COPB2: variants seen among roughly 807,000 people sequenced by gnomAD.
The protein encoded by COPB2 is coatomer subunit beta'.
A neutral mutation model predicts 120.8 loss-of-function variants in COPB2; 16 were observed. That is an observed-to-expected ratio of 0.13 (90% CI 0.09 to 0.20). The LOEUF is 0.20. COPB2 is among the 10% of genes least tolerant of loss of function. The probability of loss-of-function intolerance (pLI) is 1.00; values close to 1 mark genes in which losing one functional copy is unlikely to be tolerated. For missense variants in COPB2, 794 were observed against 1,076.5 expected (o/e 0.74, Z 3.67); for synonymous variants, 332 against 366.3 (o/e 0.91, Z 1.07).
chr3:139,378,746 C>T (rs1427374156), intron 4 of COPB2, among the ~76,000 whole-genome samples: 1 of 152,162 alleles, frequency 6.6e-6, no homozygotes, highest in Admixed American at 6.5e-5. Context: ...GGCAATCTGC[C>T]AAAAACTCAC....
intron 15 of COPB2, 105 bp downstream of exon 15, chr3:139,366,463 A>G (rs1312008291): frequency 2.0e-6 from 2 of 1,013,344 alleles, no homozygotes; most frequent in East Asian, 2.6e-5. Flanking sequence ...CTATTGCCAC[A>G]GGAAATCAGT....
chr3:139,375,645 T>C (rs1323622135), intron 5 of COPB2, 31 bp from the exon 6 acceptor site: 1 of 1,604,892 alleles, frequency 6.2e-7, no homozygotes, highest in Admixed American at 1.7e-5. Flanking sequence ...GGCCAGTCAA[T>C]ATGGGGCCTT....
chr3:139,358,418 C>T (rs1304271862), intron 20 of COPB2, 147 bp from the exon 21 acceptor site: 2 of 708,030 alleles, frequency 2.8e-6, no homozygotes, highest in Non-Finnish European at 2.4e-6. Context: ...GTGGCTCACG[C>T]CTGTAATCCC....
At chr3:139,380,009 T>G (rs79924141) in intron 2 of COPB2, 1 of 59,888 alleles carries the variant, frequency 1.7e-5, no homozygotes, top group Non-Finnish European at 6.5e-5. Flanking sequence ...TTTTCTTTTT[T>G]TTTTTTTTTT....
chr3:139,380,767 A>G (rs184623961), intron 2 of COPB2: 12 of 152,318 alleles, frequency 7.9e-5, no homozygotes, highest in Non-Finnish European at 1.8e-4. Context: ...ATGAGTAGGC[A>G]CTTCAACTCT....
chr3:139,389,584 T>C lies in COPB2; in HGVS notation c.-34A>G. On this transcript the variant is annotated 5_prime_UTR_variant, in exon 1 of 22. Coordinates refer to ENST00000333188, the MANE Select transcript of COPB2 (RefSeq NM_004766.3). ...CGGTCCAATCCCGGGAACCCTCGTT[T>C]GTTACCGGCTACTCAGGCCTTGAGA... 4 of 1,568,106 alleles carry C rather than the reference T, an allele frequency of 2.6e-6. No individual in the cohort carries two copies. Among genetic ancestry groups the C allele is most frequent in the Non-Finnish European group, 1.7e-6 (2 of 1,148,004 alleles).
Position 139,378,977 on chromosome 3 carries a change from T to C in COPB2, c.355+70A>G. 6.2e-6 allele frequency: 9 copies of C among 1,459,098 alleles called. No homozygotes were observed. The Middle Eastern group carries it at 5.5e-4, about 89-fold the overall frequency. The allele number at this position is 1,459,098 out of a possible 1,614,324, so 90.4% of individuals were successfully genotyped here. ...TATATTTGTAACAGCAGTTAAAGCA[T>C]AGCATGTCTCAGTGAATGAAAATGA... On this transcript the variant is annotated intron_variant, in intron 4 of 21. Coordinates refer to ENST00000333188, the MANE Select transcript of COPB2 (RefSeq NM_004766.3).
intron 10 of COPB2, 78 bp downstream of exon 10, chr3:139,371,645 C>G: frequency 8.2e-7 from 1 of 1,220,068 alleles, no homozygotes; most frequent in Non-Finnish European, 1.2e-6. Flanking sequence ...CAGCCCACAT[C>G]AAGCCTTGAG....
At chr3:139,359,241 C>T in intron 18 of COPB2, 29 bp downstream of exon 18, 1 of 1,612,714 alleles carries the variant, frequency 6.2e-7, no homozygotes, top group Non-Finnish European at 8.5e-7. Flanking sequence ...TTATTGGAAA[C>T]ATTTCTTCCT....
At chr3:139,378,264 G>A in intron 4 of COPB2, 75 bp from the exon 5 acceptor site, 1 of 1,357,250 alleles carries the variant, frequency 7.4e-7, no homozygotes, top group Admixed American at 2.0e-5. Context: ...GTCTTTAGAA[G>A]AAGCAAACCT....
intron 4 of COPB2, 90 bp from the exon 5 acceptor site, chr3:139,378,279 C>A: frequency 8.2e-7 from 1 of 1,224,410 alleles, no homozygotes. Context: ...AAACCTAACA[C>A]AAACCATATA....
At chr3:139,358,416 C>T (rs964447485) in intron 20 of COPB2, 145 bp from the exon 21 acceptor site, 6 of 713,318 alleles carry the variant, frequency 8.4e-6, no homozygotes, top group African/African-American at 3.5e-5. Context: ...CAGTGGCTCA[C>T]GCCTGTAATC....
chr3:139,366,602 T>C lies in COPB2; in HGVS notation c.1850A>G (p.Gln617Arg). ...DKVLPTIPKE[Q>R]RTRVAHFLEK... ...CAAAAAGTGTGCAACTCTGGTCCTCTGTTCTTTTGGAATGGTAGGAAGGAC... is the reference window on the plus strand; with the variant it reads ...CAAAAAGTGTGCAACTCTGGTCCTCCGTTCTTTTGGAATGGTAGGAAGGAC... The change falls in exon 15 of 22, where the codon CAG becomes CGG. Residue 617 changes from glutamine to arginine, a missense_variant. By Grantham distance (43) the Gln-to-Arg change is conservative. Coordinates refer to ENST00000333188, the MANE Select transcript of COPB2 (RefSeq NM_004766.3). 6.2e-7 allele frequency: 1 copy of C among 1,614,016 alleles called. No homozygotes were observed. The highest frequency in any genetic ancestry group is 2.2e-5 in the East Asian group (1 of 44,882).
intron 10 of COPB2, 49 bp from the exon 11 acceptor site, chr3:139,369,593 T>C (rs1439546521): frequency 2.7e-6 from 3 of 1,095,400 alleles, no homozygotes; most frequent in African/African-American, 1.6e-5. Flanking sequence ...TACTAAATCA[T>C]AGTTCTACCA....
Position 139,369,542 on chromosome 3 carries a change from T to C in COPB2, c.1208A>G (p.Tyr403Cys), listed in dbSNP as rs1200859815. ...EFAWAHDSSE[Y>C]AIRESNSIVK... ...AATGCTGTTGCTCTCTCTTATTGCA[T>C]ACCTGGGAGAAAAAAGGGAAGGCAA... The change falls in exon 11 of 22, where the codon TAT (tyrosine) becomes TGT (cysteine). Residue 403 changes from tyrosine to cysteine, a missense_variant and splice_region_variant. Tyr to Cys is a radical substitution (Grantham distance 194, BLOSUM62 -2). Transcript: ENST00000333188. 1.9e-6 allele frequency: 3 copies of C among 1,589,062 alleles called. No individual in the cohort carries two copies. Among genetic ancestry groups the C allele is most frequent in the Admixed American group, 3.5e-5 (2 of 56,442 alleles).
intron 1 of COPB2, among the ~76,000 whole-genome samples, chr3:139,387,443 A>C (rs1941945546): frequency 6.6e-6 from 1 of 152,146 alleles, no homozygotes; most frequent in South Asian, 2.1e-4. Context: ...CACCTTCCAA[A>C]AGCTGGATGC....
rs1397415239 is a variant in COPB2 at position 139,374,510 on chromosome 3, T to A, written c.730A>T (p.Ile244Phe). The A allele has an allele frequency of 1.9e-6, 3 of 1,614,004 alleles. No individual in the cohort carries two copies. The highest frequency in any genetic ancestry group is 2.5e-6 in the Non-Finnish European group (3 of 1,179,884). The change falls in exon 7 of 22, where the codon ATT becomes TTT. Residue 244 changes from isoleucine (I) to phenylalanine (F), a missense_variant. By Grantham distance (21) the Ile-to-Phe change is conservative. Around this residue, in one of 3 missense-constraint regions of COPB2, gnomAD observed 610 missense variants for 866.7 expected, o/e 0.70. Transcript: ENST00000333188. Reference sequence around the variant, plus strand: ...TTACCATCTTCTGAACCTGTGATAATGATTGGCAACTCAGGATGAAAGCTG... The same window carrying A: ...TTACCATCTTCTGAACCTGTGATAAAGATTGGCAACTCAGGATGAAAGCTG... ...CASFHPELPI[I>F]ITGSEDGTVR...
chr3:139,372,570 G>C (rs980554033), intron 9 of COPB2, among the ~76,000 whole-genome samples: 2 of 152,108 alleles, frequency 1.3e-5, no homozygotes, highest in Admixed American at 6.5e-5. Context: ...ACCATTTACT[G>C]AACTAGGCGG....
intron 20 of COPB2, 34 bp from the exon 21 acceptor site, chr3:139,358,305 A>AG: frequency 6.4e-6 from 10 of 1,565,384 alleles, no homozygotes; most frequent in Non-Finnish European, 8.8e-6. Flanking sequence ...TATGAAGACA[A>AG]GGGAATTTAC....
Sources: allele counts gnomAD v4.1 joint callset (sites outside exome capture counted in the v4.1 genomes callset), GRCh38; gene constraint gnomAD v4.1.1; regional missense constraint gnomAD v4.1.1; transcripts MANE v1.5; gene names NCBI Gene and HGNC (gene_info 2026-07-23, HGNC 2026-07-21).